The following ST8SIA6 variants were observed in gnomAD, a reference collection of about 807,000 sequenced individuals.
ST8SIA6 encodes ST8 alpha-N-acetyl-neuraminide alpha-2,8-sialyltransferase 6, also known as alpha-2,8-sialyltransferase 8F.
ST8SIA6 carries 39 observed loss-of-function variants against 33.6 expected under a neutral mutation model. The observed-to-expected ratio is 1.16, with a 90% CI of 0.90 to 1.52. ST8SIA6 has a LOEUF of 1.52. Ranked by LOEUF, ST8SIA6 falls within the 40% of genes most tolerant of loss-of-function variation. The pLI, the probability that ST8SIA6 is intolerant of heterozygous loss-of-function variation, is 0.00. For missense variants in ST8SIA6, 441 were observed against 443.8 expected (o/e 0.99, Z 0.06); for synonymous variants, 172 against 167.2 (o/e 1.03, Z -0.22).
intron 3 of ST8SIA6, among the ~76,000 whole-genome samples, chr10:17,381,593 AATATT>A (rs1850154699): frequency 1.3e-5 from 2 of 152,264 alleles, no homozygotes; most frequent in Non-Finnish European, 1.5e-5. Context: ...TTGGTAAAGT[AATATT>A]ATAAGTGTCT....
intron 2 of ST8SIA6, among the ~76,000 whole-genome samples, chr10:17,429,999 G>T (rs11254591): frequency 6.6e-6 from 1 of 151,862 alleles, no homozygotes; most frequent in Non-Finnish European, 1.5e-5. Context: ...ACCCATCGCC[G>T]GAGCAGTGTA....
chr10:17,371,452 T>A (rs1849728649), intron 3 of ST8SIA6, among the ~76,000 whole-genome samples: 1 of 151,808 alleles, frequency 6.6e-6, no homozygotes. Context: ...GGGCATCCAG[T>A]GTCAAAAATA....
chr10:17,321,399 C>A, intron 7 of ST8SIA6, 53 bp from the exon 8 acceptor site: 1 of 1,426,250 alleles, frequency 7.0e-7, no homozygotes, highest in Non-Finnish European at 9.4e-7. Flanking sequence ...ATCAAAGTAG[C>A]AGTTTTGATA....
chr10:17,388,260 T>C (rs1230228863), intron 3 of ST8SIA6, among the ~76,000 whole-genome samples: 2 of 152,196 alleles, frequency 1.3e-5, no homozygotes, highest in Non-Finnish European at 2.9e-5. Context: ...GATCCTGGAT[T>C]CCATTAACTT....
chr10:17,400,728 A>C (rs1851006454), intron 2 of ST8SIA6, among the ~76,000 whole-genome samples: 1 of 152,224 alleles, frequency 6.6e-6, no homozygotes, highest in Admixed American at 6.5e-5. Context: ...AAAATTCAAC[A>C]GCCCTTCATG....
At chr10:17,326,864 A>G in intron 6 of ST8SIA6, 150 bp downstream of exon 6, 1 of 493,182 alleles carries the variant, frequency 2.0e-6, no homozygotes, top group Non-Finnish European at 3.5e-6. Context: ...CATGAGCCAC[A>G]TAACACTTCA....
intron 2 of ST8SIA6, among the ~76,000 whole-genome samples, chr10:17,411,922 G>GT (rs34919851): frequency 8.7e-4 from 129 of 148,678 alleles, no homozygotes; most frequent in African/African-American, 2.0e-3. Context: ...TTTAAGGAAT[G>GT]TTTTTTTTTT....
At chr10:17,322,303 G>T (rs1847987265) in intron 7 of ST8SIA6, among the ~76,000 whole-genome samples, 1 of 150,902 alleles carries the variant, frequency 6.6e-6, no homozygotes, top group Non-Finnish European at 1.5e-5. Flanking sequence ...AAGAGGGAAA[G>T]AAGATTTAAA....
At chr10:17,350,645 C>T (rs964041893) in intron 4 of ST8SIA6, among the ~76,000 whole-genome samples, 1 of 145,124 alleles carries the variant, frequency 6.9e-6, no homozygotes, top group Non-Finnish European at 1.5e-5. Context: ...CAAATAGACA[C>T]CACCTTTTTT....
chr10:17,454,065 G>T lies in ST8SIA6; in HGVS notation c.101+90C>A, dbSNP rs968531888. 5.0e-5 allele frequency: 12 copies of T among 241,178 alleles called. No individual in the cohort carries two copies. Among genetic ancestry groups the T allele is most frequent in the Admixed American group, 2.8e-4 (5 of 17,954 alleles). The allele number at this position is 241,178 out of a possible 1,614,324, so 14.9% of individuals were successfully genotyped here. On this transcript the variant is annotated intron_variant, in intron 1 of 7. Coordinates refer to ENST00000377602, the MANE Select transcript of ST8SIA6 (RefSeq NM_001004470.3). The surrounding 1 kb of genome is among the most constrained non-coding windows in gnomAD (Gnocchi z 4.1). ...CCCCGCCGCGGCCAAAAGTCTCCGC[G>T]CCCGAGGGGAAGCGATGGGCGGCTT... is the stretch of plus-strand genomic sequence containing the variant.
intron 3 of ST8SIA6, among the ~76,000 whole-genome samples, chr10:17,376,842 GA>G (rs990683947): frequency 4.6e-5 from 7 of 151,662 alleles, no homozygotes; most frequent in East Asian, 3.9e-4. Context: ...GGATGGGGTA[GA>G]AAAAAAACAG....
In ST8SIA6 at chr10:17,357,132, C is replaced by CTT. The variant is rs202142043; in HGVS notation, c.377+2380_377+2381dup. On this transcript the variant is annotated intron_variant, in intron 4 of 7. Coordinates refer to ENST00000377602, the MANE Select transcript of ST8SIA6 (RefSeq NM_001004470.3). ...AATGTTTCAAAGTTGGCCTTCAGTT[C>CTT]TTTTTTTTTTTTCTTTTGAGACGGA... is the stretch of plus-strand genomic sequence containing the variant. Among the ~76,000 whole-genome samples the CTT allele has an allele frequency of 7.7e-3, 1,058 of 137,764 alleles. 12 individuals are homozygous for CTT. The highest frequency in any genetic ancestry group is 0.028 in the African/African-American group (1,008 of 36,452). The allele number at this position is 137,764 out of a possible 152,430, so 90.4% of individuals were successfully genotyped here. A position where few individuals can be genotyped will look rare whatever the true frequency, so the allele number is the denominator to read the frequency against.
intron 4 of ST8SIA6, among the ~76,000 whole-genome samples, chr10:17,334,054 C>G (rs1848423358): frequency 6.6e-6 from 1 of 150,752 alleles, no homozygotes; most frequent in Non-Finnish European, 1.5e-5. Flanking sequence ...TTCTAACTGG[C>G]CCTGGATTGT....
rs1272519075 is a variant in ST8SIA6, at chr10:17,323,249, A to ACACACACC, written c.636-93_636-92insGGTGTGTG. The ACACACACC allele has an allele frequency of 7.7e-5, 55 of 718,270 alleles. 1 individual carries two copies. In the African/African-American group the frequency reaches 8.3e-4, roughly 11 times the overall value. 44.5% of individuals were successfully genotyped at this position (718,270 alleles called of 1,614,324 possible). On this transcript the variant is annotated intron_variant, in intron 6 of 7. Coordinates refer to ENST00000377602, the MANE Select transcript of ST8SIA6 (RefSeq NM_001004470.3). ...TGCGCGCACACACACACACACACAC[A>ACACACACC]CCTATCTATAATAATTGTTCTTATG...
chr10:17,383,889 A>G (rs566718549), intron 3 of ST8SIA6, among the ~76,000 whole-genome samples: 1 of 152,342 alleles, frequency 6.6e-6, no homozygotes, highest in East Asian at 1.9e-4. Context: ...ACAGCTTGTA[A>G]CAATTTAGTA....
In ST8SIA6 at chr10:17,344,719, T is replaced by G. The variant is rs147971249; in HGVS notation, c.378-13167A>C. 3.3e-5 allele frequency among the ~76,000 whole-genome samples: 5 copies of G among 152,314 alleles called. No individual in the cohort carries two copies. The East Asian group carries it at 7.7e-4, about 24-fold the overall frequency. The stretch of plus-strand genomic sequence containing the variant: ...GCTGTGCTGAATGTTCCCAGCTATA[T>G]TCATAAGAAAGGAGGGAAACAGTGT... On this transcript the variant is annotated intron_variant, in intron 4 of 7. Transcript: ENST00000377602.
At chr10:17,338,128 G>A (rs367594253) in intron 4 of ST8SIA6, among the ~76,000 whole-genome samples, 4 of 146,322 alleles carry the variant, frequency 2.7e-5, no homozygotes, top group East Asian at 2.1e-4. Context: ...TCCACCTCCC[G>A]GGTTCAATTG....
rs766452066 is a variant in ST8SIA6 at position 17,390,598 on chromosome 10, G to C, written c.223C>G (p.Leu75Val). The C allele has an allele frequency of 6.2e-7, 1 of 1,613,882 alleles. No homozygotes were observed. The highest frequency in any genetic ancestry group is 8.5e-7 in the Non-Finnish European group (1 of 1,179,834). Residue 75 changes from leucine (L) to valine (V), a missense_variant, in exon 3 of 8, where the codon CTC (leucine) becomes GTC (valine). Coordinates refer to ENST00000377602, the MANE Select transcript of ST8SIA6 (RefSeq NM_001004470.3). ...TNSTYLNEKS[L>V]QLTEKCKNLQ... is the part of the protein sequence containing the mutation. ...TTTTTGCATTTCTCCGTCAGTTGGA[G>C]CGACTTCTCATTCAGATATGTGCTG...
Position 17,355,039 on chromosome 10 carries a change from G to C in ST8SIA6, c.377+4475C>G, listed in dbSNP as rs556807677. 5.3e-5 allele frequency among the ~76,000 whole-genome samples: 8 copies of C among 152,264 alleles called. No individual in the cohort carries two copies. In the South Asian group the frequency reaches 1.5e-3, roughly 28 times the overall value. On this transcript the variant is annotated intron_variant, in intron 4 of 7. Transcript: ENST00000377602. ...AAAAGCTTAGGAATCTATAAAAAGA[G>C]GACAAACCCCCTCGTAGCACAACAA... is the stretch of plus-strand genomic sequence containing the variant.
Sources: gnomAD v4.1 joint callset for allele counts (sites outside exome capture counted in the v4.1 genomes callset) on GRCh38, gnomAD v4.1.1 for gene constraint, Gnocchi (gnomAD v3.1) non-coding constraint, MANE v1.5 for transcripts, NCBI Gene and HGNC (gene_info 2026-07-23, HGNC 2026-07-21) for gene names.